Variants in HIPK2 observed in about 807,000 individuals in gnomAD.
HIPK2 encodes the protein homeodomain-interacting protein kinase 2.
In HIPK2, 27 loss-of-function variants were observed where a neutral mutation model predicts 113.7. The ratio of observed to expected loss-of-function variants is 0.24; its 90% CI spans 0.17 to 0.33. The LOEUF (loss-of-function observed/expected upper bound fraction) is 0.33, where lower values mean the gene tolerates loss of function less well. Among genes scored for constraint, HIPK2 ranks in the 10% least tolerant of loss-of-function variants. HIPK2 has a pLI of 1.00. For synonymous variants in HIPK2, 631 were observed against 642.2 expected (o/e 0.98, Z 0.26); for missense variants, 1,257 against 1,588.0 (o/e 0.79, Z 3.54).
intron 13 of HIPK2, 111 bp downstream of exon 13, chr7:139,583,706 C>T (rs974066986): frequency 2.0e-6 from 3 of 1,479,402 alleles, no homozygotes; most frequent in Admixed American, 4.3e-5. Flanking sequence ...CCTGCAGTCA[C>T]TGGGCACTTT....
At chr7:139,591,294 T>G (rs1259384767) in intron 12 of HIPK2, among the ~76,000 whole-genome samples, 3 of 152,240 alleles carry the variant, frequency 2.0e-5, no homozygotes, top group African/African-American at 7.2e-5. Context: ...GAAGTAGCCA[T>G]GAGTAGTCAC....
At chr7:139,762,785 C>A (rs922613935) in intron 1 of HIPK2, among the ~76,000 whole-genome samples, 1 of 152,198 alleles carries the variant, frequency 6.6e-6, no homozygotes, top group Non-Finnish European at 1.5e-5. Context: ...GTAGAGAACA[C>A]AGAGACAACC....
rs1796138880 is a variant in HIPK2 at position 139,743,414 on chromosome 7, T to C, written c.20-26399A>G. On this transcript the variant is annotated intron_variant, in intron 1 of 14. Coordinates refer to ENST00000406875, the MANE Select transcript of HIPK2 (RefSeq NM_022740.5). ...GACATTTTTATATACAACTTACAAC[T>C]GCCAGATCACTCTTGGAAAATCCGC... Among the ~76,000 whole-genome samples, 4 of 152,218 alleles carry C rather than the reference T, an allele frequency of 2.6e-5. No individual in the cohort carries two copies. In the South Asian group the frequency reaches 8.3e-4, roughly 31 times the overall value.
intron 1 of HIPK2, among the ~76,000 whole-genome samples, chr7:139,775,296 G>C (rs1032554369): frequency 6.6e-6 from 1 of 152,140 alleles, no homozygotes; most frequent in African/African-American, 2.4e-5. Context: ...CAGGAGAAAG[G>C]AGGTCATCAG....
rs1001306430 is a variant in HIPK2 at position 139,571,695 on chromosome 7, C to T, written c.*1232G>A. ...AAAAAAAGGCCAGCGTAAACTGTTA[C>T]AACAGCACAACAGAAGAGCTGAGAT... On this transcript the variant is annotated 3_prime_UTR_variant, in exon 15 of 15. Coordinates refer to ENST00000406875, the MANE Select transcript of HIPK2 (RefSeq NM_022740.5). 9.2e-5 allele frequency: 14 copies of T among 152,214 alleles called. No homozygotes were observed. The highest frequency in any genetic ancestry group is 5.2e-4 in the Admixed American group (8 of 15,294). The allele number at this position is 152,214 out of a possible 1,614,324, so 9.4% of individuals were successfully genotyped here. A position where few individuals can be genotyped will look rare whatever the true frequency, so the allele number is the denominator to read the frequency against.
intron 2 of HIPK2, among the ~76,000 whole-genome samples, chr7:139,702,350 G>C (rs1224261615): frequency 6.6e-6 from 1 of 152,168 alleles, no homozygotes; most frequent in African/African-American, 2.4e-5. Context: ...GTGGAGACAG[G>C]GAAGCATCCT....
intron 1 of HIPK2, among the ~76,000 whole-genome samples, chr7:139,739,585 C>CAAAA (rs71170914): frequency 7.9e-6 from 1 of 127,032 alleles, no homozygotes; most frequent in African/African-American, 2.7e-5. Flanking sequence ...AGACCCTCTC[C>CAAAA]AAAAAAAAAA....
Position 139,714,595 on chromosome 7 carries a change from C to G in HIPK2, c.1103+1337G>C, listed in dbSNP as rs1357113727. Among the ~76,000 whole-genome samples, 2 of 152,214 alleles carry G rather than the reference C, an allele frequency of 1.3e-5. No individual in the cohort carries two copies. The highest frequency in any genetic ancestry group is 4.8e-5 in the African/African-American group (2 of 41,460). On this transcript the variant is annotated intron_variant, in intron 2 of 14. Coordinates refer to ENST00000406875, the MANE Select transcript of HIPK2 (RefSeq NM_022740.5). This position sits in a 1 kb window ranked among gnomAD's most constrained non-coding sequence, Gnocchi z 4.2. ...CATGTTCCAGCCTTCTCTCTGTGGC[C>G]TTGAAAGGCGCATGGAGAAAGCACA... is the stretch of plus-strand genomic sequence containing the variant.
chr7:139,659,972 A>G (rs1393875883), intron 2 of HIPK2, among the ~76,000 whole-genome samples: 1 of 152,220 alleles, frequency 6.6e-6, no homozygotes, highest in African/African-American at 2.4e-5. Flanking sequence ...CAGCTCTCTT[A>G]TTTATAATTT....
intron 2 of HIPK2, among the ~76,000 whole-genome samples, chr7:139,649,821 T>C (rs935075526): frequency 1.4e-4 from 22 of 152,124 alleles, no homozygotes; most frequent in African/African-American, 4.8e-4. Flanking sequence ...TTAGGTTTAG[T>C]AGAGAAGTTG....
At chr7:139,614,084 T>C (rs1799933416) in intron 8 of HIPK2, among the ~76,000 whole-genome samples, 1 of 152,174 alleles carries the variant, frequency 6.6e-6, no homozygotes, top group Non-Finnish European at 1.5e-5. Flanking sequence ...ATTGACTTGG[T>C]GCTGAGGCAT....
At position 139,661,867 on chromosome 7, in the gene HIPK2, C is replaced by T. The variant is rs1801877432; in HGVS notation, c.1104-30142G>A. On this transcript the variant is annotated intron_variant, in intron 2 of 14. Transcript: ENST00000406875. ...CCTAAGATTGCATTAACCCTTTTGA[C>T]AGCCACCTGATACTAACCATTCATC... Among the ~76,000 whole-genome samples the T allele has an allele frequency of 2.6e-5, 4 of 152,330 alleles. 2 individuals carry two copies. In the South Asian group the frequency reaches 8.3e-4, roughly 32 times the overall value.
intron 1 of HIPK2, among the ~76,000 whole-genome samples, chr7:139,764,623 T>C (rs1796523288): frequency 6.6e-6 from 1 of 152,196 alleles, no homozygotes; most frequent in African/African-American, 2.4e-5. Context: ...AGTAGCTTGA[T>C]GGCTTTATGA....
chr7:139,615,064 C>T lies in HIPK2; in HGVS notation c.1783-571G>A, dbSNP rs149856910. ...GTCCAAGCTCTGCTCACACTCCCCT[C>T]GGGCCTGGTGGGTGCAGTCCACATG... On this transcript the variant is annotated intron_variant, in intron 7 of 14. Transcript: ENST00000406875. 4.2e-3 allele frequency among the ~76,000 whole-genome samples: 644 copies of T among 152,310 alleles called. 3 individuals carry two copies. Among genetic ancestry groups the T allele is most frequent in the African/African-American group, 0.015 (607 of 41,572 alleles).
intron 2 of HIPK2, among the ~76,000 whole-genome samples, chr7:139,662,582 T>A (rs2116564005): frequency 2.0e-5 from 3 of 151,830 alleles, no homozygotes; most frequent in African/African-American, 7.2e-5. Flanking sequence ...GTCTCTCCTG[T>A]GTACGACTGC....
intron 13 of HIPK2, among the ~76,000 whole-genome samples, chr7:139,582,069 C>G (rs535105347): frequency 6.6e-6 from 1 of 152,202 alleles, no homozygotes; most frequent in Non-Finnish European, 1.5e-5. Flanking sequence ...TCCCAGGGCC[C>G]TTTGGTTACT....
intron 12 of HIPK2, among the ~76,000 whole-genome samples, chr7:139,596,305 TA>T (rs1269468787): frequency 6.6e-6 from 1 of 152,240 alleles, no homozygotes; most frequent in Non-Finnish European, 1.5e-5. Flanking sequence ...AATTTCTGAT[TA>T]ATTGGACAAT....
At chr7:139,646,072 A>G (rs946675803) in intron 2 of HIPK2, among the ~76,000 whole-genome samples, 3 of 152,194 alleles carry the variant, frequency 2.0e-5, no homozygotes, top group Non-Finnish European at 4.4e-5. Context: ...TCACAGAGGA[A>G]ATACTAAGCT....
chr7:139,645,641 C>CT (rs1801187819), intron 2 of HIPK2, among the ~76,000 whole-genome samples: 1 of 152,158 alleles, frequency 6.6e-6, no homozygotes, highest in South Asian at 2.1e-4. Flanking sequence ...CGGCCTGACT[C>CT]TAAGCAGGCA....
Sources: gnomAD v4.1 joint callset for allele counts (sites outside exome capture counted in the v4.1 genomes callset) on GRCh38, gnomAD v4.1.1 for gene constraint, Gnocchi (gnomAD v3.1) non-coding constraint, MANE v1.5 for transcripts, NCBI Gene and HGNC (gene_info 2026-07-23, HGNC 2026-07-21) for gene names.